The following PLEKHA2 variants were observed in gnomAD, a reference collection of about 807,000 sequenced individuals.
PLEKHA2 encodes pleckstrin homology domain-containing family A member 2.
PLEKHA2 carries 28 observed loss-of-function variants against 53.2 expected under a neutral mutation model. The ratio of observed to expected loss-of-function variants is 0.53; its 90% CI spans 0.39 to 0.72. The LOEUF is 0.72. PLEKHA2 is among the 30% of genes least tolerant of loss of function. The pLI, the probability that PLEKHA2 is intolerant of heterozygous loss-of-function variation, is 0.00. For synonymous variants in PLEKHA2, 193 were observed against 196.4 expected (o/e 0.98, Z 0.14); for missense variants, 426 against 537.9 (o/e 0.79, Z 2.06).
intron 1 of PLEKHA2, among the ~76,000 whole-genome samples, chr8:38,914,357 C>T (rs757448003): frequency 3.3e-5 from 5 of 152,262 alleles, no homozygotes; most frequent in Non-Finnish European, 5.9e-5. Flanking sequence ...GAACATGCCA[C>T]ACCACCAGTC....
At chr8:38,952,786 T>A in intron 8 of PLEKHA2, 82 bp downstream of exon 8, 1 of 1,381,866 alleles carries the variant, frequency 7.2e-7, no homozygotes, top group Non-Finnish European at 1.0e-6. Context: ...AGAGCGTGCA[T>A]GAGTGGAGAT....
At chr8:38,916,298 T>TGCAATTAAA (rs2152366720) in intron 1 of PLEKHA2, among the ~76,000 whole-genome samples, 2 of 152,336 alleles carry the variant, frequency 1.3e-5, no homozygotes, top group East Asian at 3.9e-4. Context: ...TTTTAAAATG[T>TGCAATTAAA]GCAATTAAAT....
At chr8:38,949,233 T>C (rs1834778184) in intron 5 of PLEKHA2, among the ~76,000 whole-genome samples, 1 of 152,060 alleles carries the variant, frequency 6.6e-6, no homozygotes, top group Non-Finnish European at 1.5e-5. Flanking sequence ...CTCTTTTTTT[T>C]TTTTTCTTTC....
chr8:38,911,332 G>A (rs945457413), intron 1 of PLEKHA2, among the ~76,000 whole-genome samples: 3 of 151,966 alleles, frequency 2.0e-5, no homozygotes, highest in South Asian at 2.1e-4. Context: ...CGCCTCCCAG[G>A]TTCAAGCAAT....
chr8:38,969,995 A>C lies in PLEKHA2; in HGVS notation c.*212A>C. The C allele has an allele frequency of 1.5e-6, 1 of 670,254 alleles. No individual in the cohort carries two copies. The highest frequency in any genetic ancestry group is 2.4e-6 in the Non-Finnish European group (1 of 410,500). The allele number at this position is 670,254 out of a possible 1,614,324, so 41.5% of individuals were successfully genotyped here. A position where few individuals can be genotyped will look rare whatever the true frequency, so the allele number is the denominator to read the frequency against. On this transcript the variant is annotated 3_prime_UTR_variant, in exon 12 of 12. Coordinates refer to ENST00000617275, the MANE Select transcript of PLEKHA2 (RefSeq NM_021623.2). ...TGTGTGTGTAATATCAACGCAGTGT[A>C]TTTAATTTGGGGAAGTCACTAGGTT...
intron 1 of PLEKHA2, among the ~76,000 whole-genome samples, chr8:38,905,034 C>G (rs911737168): frequency 1.3e-5 from 2 of 152,098 alleles, no homozygotes; most frequent in Non-Finnish European, 2.9e-5. Context: ...AACTTTTCTG[C>G]GTTTGAATCC....
At chr8:38,948,295 G>T (rs1336036301) in intron 5 of PLEKHA2, among the ~76,000 whole-genome samples, 2 of 152,162 alleles carry the variant, frequency 1.3e-5, no homozygotes, top group Non-Finnish European at 2.9e-5. Flanking sequence ...GTGACATGCA[G>T]CAACAAGGAG....
At chr8:38,946,014 TG>T in intron 4 of PLEKHA2, 109 bp from the exon 5 acceptor site, 1 of 804,976 alleles carries the variant, frequency 1.2e-6, no homozygotes, top group Non-Finnish European at 2.1e-6. Flanking sequence ...TTCTGCTTTG[TG>T]GAGTTCACTC....
chr8:38,903,649 A>C (rs548094513), intron 1 of PLEKHA2, among the ~76,000 whole-genome samples: 1 of 152,316 alleles, frequency 6.6e-6, no homozygotes, highest in African/African-American at 2.4e-5. Context: ...GTGCTAGGAT[A>C]CTAGGAAGAC....
intron 10 of PLEKHA2, 41 bp downstream of exon 10, chr8:38,957,427 T>G (rs929674829): frequency 1.3e-5 from 19 of 1,510,708 alleles, no homozygotes; most frequent in Non-Finnish European, 1.7e-5. Context: ...ATTCTGTTTC[T>G]GTGAATGGTG....
intron 2 of PLEKHA2, among the ~76,000 whole-genome samples, chr8:38,920,406 G>A (rs1432935937): frequency 2.0e-5 from 3 of 151,872 alleles, no homozygotes; most frequent in Non-Finnish European, 4.4e-5. Context: ...TGCCCACCTT[G>A]GCCTCCCAAA....
At chr8:38,943,938 A>C (rs2129420809) in intron 4 of PLEKHA2, 101 bp downstream of exon 4, 1 of 904,728 alleles carries the variant, frequency 1.1e-6, no homozygotes, top group Non-Finnish European at 1.6e-6. Context: ...ATACCCTGTG[A>C]GTATGAGTGA....
chr8:38,946,282 C>A, intron 5 of PLEKHA2, 61 bp downstream of exon 5: 2 of 1,430,586 alleles, frequency 1.4e-6, no homozygotes, highest in Non-Finnish European at 1.9e-6. Flanking sequence ...AGGCTATGGC[C>A]TTGTTGGGGT....
intron 2 of PLEKHA2, among the ~76,000 whole-genome samples, chr8:38,918,988 G>A (rs1457666106): frequency 2.0e-5 from 3 of 152,196 alleles, no homozygotes; most frequent in African/African-American, 4.8e-5. Flanking sequence ...TCTCTCCAGG[G>A]CTGTGGCCTG....
chr8:38,936,545 C>T (rs1267694767), intron 3 of PLEKHA2, among the ~76,000 whole-genome samples: 2 of 152,206 alleles, frequency 1.3e-5, no homozygotes, highest in Admixed American at 6.5e-5. Context: ...CCCTGAGAAG[C>T]CACTCAGATT....
At chr8:38,934,047 C>A (rs745955347) in intron 2 of PLEKHA2, among the ~76,000 whole-genome samples, 7 of 151,534 alleles carry the variant, frequency 4.6e-5, no homozygotes, top group Non-Finnish European at 7.4e-5. Context: ...TTGCTTCAAG[C>A]GATGTATGTT....
intron 8 of PLEKHA2, among the ~76,000 whole-genome samples, chr8:38,952,961 TG>T (rs1339628513): frequency 1.3e-5 from 2 of 152,234 alleles, no homozygotes; most frequent in African/African-American, 4.8e-5. Flanking sequence ...TTCTTGTTTT[TG>T]GAGACAGGGT....
At chr8:38,935,892 G>T (rs977995865) in intron 2 of PLEKHA2, 102 bp from the exon 3 acceptor site, 5 of 1,052,664 alleles carry the variant, frequency 4.7e-6, no homozygotes, top group Non-Finnish European at 4.4e-6. Context: ...AACTTGCTCA[G>T]TGTTGCCAGG....
At chr8:38,955,531 G>T (rs984800043) in intron 9 of PLEKHA2, among the ~76,000 whole-genome samples, 9 of 151,978 alleles carry the variant, frequency 5.9e-5, no homozygotes, top group African/African-American at 2.2e-4. Flanking sequence ...TTTATACCTG[G>T]GGTCACAAAG....
Sources: gnomAD v4.1 joint callset for allele counts (sites outside exome capture counted in the v4.1 genomes callset) on GRCh38, gnomAD v4.1.1 for gene constraint, MANE v1.5 for transcripts, NCBI Gene and HGNC (gene_info 2026-07-23, HGNC 2026-07-21) for gene names.